The following MIS18BP1 variants were observed in gnomAD, a reference collection of about 807,000 sequenced individuals.
MIS18BP1 encodes mis18-binding protein 1.
Under a neutral mutation model 116.1 loss-of-function variants are expected in MIS18BP1, and 72 were observed. The ratio of observed to expected loss-of-function variants is 0.62; its 90% CI spans 0.51 to 0.75. The LOEUF (loss-of-function observed/expected upper bound fraction) is 0.75. Among genes scored for constraint, MIS18BP1 ranks in the 30% least tolerant of loss-of-function variants. MIS18BP1 has a pLI of 0.00. For missense variants in MIS18BP1, 1,363 were observed against 1,303.2 expected (o/e 1.05, Z -0.71); for synonymous variants, 386 against 427.0 (o/e 0.90, Z 1.18).
At position 45,231,332 on chromosome 14, in the gene MIS18BP1, C is replaced by T. The variant is rs1160332629; in HGVS notation, c.1437-34G>A. ...ACAATTATTTTATTTTTCCTTAATACTGATTCTCAAAAAAACAAAACAAAA... is the reference window on the plus strand; with the variant it reads ...ACAATTATTTTATTTTTCCTTAATATTGATTCTCAAAAAAACAAAACAAAA... On this transcript the variant is annotated intron_variant, in intron 7 of 16. Transcript: ENST00000310806. 3 of 1,508,848 alleles carry T rather than the reference C, an allele frequency of 2.0e-6. No homozygotes were observed. In the East Asian group the frequency reaches 6.9e-5, roughly 35 times the overall value. The allele number at this position is 1,508,848 out of a possible 1,614,324, so 93.5% of individuals were successfully genotyped here.
In MIS18BP1 at chr14:45,246,806, T is replaced by A. The variant is rs1395671908; in HGVS notation, c.481A>T (p.Thr161Ser). 2.1e-5 allele frequency: 33 copies of A among 1,592,434 alleles called. No homozygotes were observed. Among genetic ancestry groups the A allele is most frequent in the Non-Finnish European group, 2.6e-5 (31 of 1,174,680 alleles). Residue 161 changes from threonine (T) to serine (S), a missense_variant, in exon 2 of 17, where the codon ACC (threonine) becomes TCC (serine). Thr to Ser is a moderately conservative substitution (Grantham distance 58, BLOSUM62 1). Transcript: ENST00000310806. ...TTTTCCTTTTCTTCACATAGGTAGGTATGCTGCAATTTTTTTTTTTCAACT... is the reference window on the plus strand; with the variant it reads ...TTTTCCTTTTCTTCACATAGGTAGGAATGCTGCAATTTTTTTTTTTCAACT... ...NRVEKKKLQH[T>S]YLCEEKENNK... is the part of the protein sequence containing the mutation.
intron 2 of MIS18BP1, among the ~76,000 whole-genome samples, chr14:45,245,360 CTTTTT>C (rs766822622): frequency 3.7e-4 from 56 of 151,868 alleles, no homozygotes; most frequent in Non-Finnish European, 6.3e-4. Flanking sequence ...CTACTCTTTT[CTTTTT>C]TATTTCTTTT....
chr14:45,222,544 T>G (rs1000104929), intron 11 of MIS18BP1, among the ~76,000 whole-genome samples: 1 of 152,204 alleles, frequency 6.6e-6, no homozygotes, highest in African/African-American at 2.4e-5. Context: ...CTATCATTGT[T>G]GTTTCAATGT....
At position 45,253,173 on chromosome 14, in the gene MIS18BP1, T is replaced by G. The variant is rs950690067; in HGVS notation, c.-230A>C. 2.0e-5 allele frequency: 3 copies of G among 152,280 alleles called. No individual in the cohort carries two copies. The highest frequency in any genetic ancestry group is 7.2e-5 in the African/African-American group (3 of 41,466). 9.4% of individuals were successfully genotyped at this position (152,280 alleles called of 1,614,324 possible). On this transcript the variant is annotated 5_prime_UTR_variant, in exon 1 of 17. Coordinates refer to ENST00000310806, the MANE Select transcript of MIS18BP1 (RefSeq NM_018353.5). ...GCGGCGGCCAGGCGCCAAGCGACGCTTACCTCCTCCGCGACGTTCTCTAAC... is the reference window on the plus strand; with the variant it reads ...GCGGCGGCCAGGCGCCAAGCGACGCGTACCTCCTCCGCGACGTTCTCTAAC...
chr14:45,235,683 T>A, intron 6 of MIS18BP1, 131 bp downstream of exon 6: 1 of 645,392 alleles, frequency 1.5e-6, no homozygotes, highest in African/African-American at 1.9e-5. Context: ...TTTTATATAA[T>A]ATCAGTTGTT....
At chr14:45,231,376 T>C in intron 7 of MIS18BP1, 78 bp from the exon 8 acceptor site, 1 of 1,266,542 alleles carries the variant, frequency 7.9e-7, no homozygotes, top group Non-Finnish European at 1.1e-6. Context: ...CATAAATAAA[T>C]AAAAACCCCT....
Position 45,232,415 on chromosome 14 carries a change from T to TAAAAAAAA in MIS18BP1, c.1436+317_1436+318insTTTTTTTT, listed in dbSNP as rs1291844122. 4.9e-5 allele frequency: 8 copies of TAAAAAAAA among 163,504 alleles called. No individual in the cohort carries two copies. In the East Asian group the frequency reaches 8.6e-4, roughly 17 times the overall value. 10.1% of individuals were successfully genotyped at this position (163,504 alleles called of 1,614,324 possible). On this transcript the variant is annotated intron_variant, in intron 7 of 16. Transcript: ENST00000310806. ...CTGGGCGACAGAGCCAGATTCCATC[T>TAAAAAAAA]CAAAAAAAAAAAAAAAAAAAAAACA...
intron 3 of MIS18BP1, 38 bp from the exon 4 acceptor site, chr14:45,242,556 A>T: frequency 6.5e-7 from 1 of 1,540,292 alleles, no homozygotes; most frequent in South Asian, 1.3e-5. Flanking sequence ...CAAAACAATT[A>T]TAGAAGGATC....
In MIS18BP1 at chr14:45,232,685, T is replaced by C. The variant is rs1369415448; in HGVS notation, c.1436+48A>G. On this transcript the variant is annotated intron_variant, in intron 7 of 16. Transcript: ENST00000310806. ...TGGCACACACATAATTAAATGTAAATTATATCTCAATAAAGTTGACTTCTA... is the reference window on the plus strand; with the variant it reads ...TGGCACACACATAATTAAATGTAAACTATATCTCAATAAAGTTGACTTCTA... 3 of 1,045,708 alleles carry C rather than the reference T, an allele frequency of 2.9e-6. No homozygotes were observed. The East Asian group carries it at 7.9e-5, about 28-fold the overall frequency. 64.8% of individuals were successfully genotyped at this position (1,045,708 alleles called of 1,614,324 possible).
chr14:45,212,809 C>T (rs1385005061), intron 13 of MIS18BP1, among the ~76,000 whole-genome samples: 1 of 152,234 alleles, frequency 6.6e-6, no homozygotes. Flanking sequence ...GGCATGCAGA[C>T]AGCCCGCCCC....
In MIS18BP1 at chr14:45,224,390, T is replaced by C. The variant is rs557689278; in HGVS notation, c.2197A>G (p.Lys733Glu). 7 of 1,613,672 alleles carry C rather than the reference T, an allele frequency of 4.3e-6. No homozygotes were observed. The African/African-American group carries it at 8.0e-5, about 18-fold the overall frequency. The change falls in exon 11 of 17, where the codon AAG (lysine) becomes GAG (glutamate). Residue 733 changes from lysine (K) to glutamate (E), a missense_variant. Physicochemically the swap from Lys to Glu is moderately conservative, Grantham distance 56 (BLOSUM62 1). Transcript: ENST00000310806. ...AAGTCAGAGGTGAGCATTTGTTCCT[T>C]TTCAAGGTTAGATATTTTTATTTTC... is the stretch of plus-strand genomic sequence containing the variant. ...NRKIKISNLE[K>E]EQMLTSDFKK... is the part of the protein sequence containing the mutation.
In MIS18BP1 at chr14:45,243,797, T is replaced by C. The variant is rs955721782; in HGVS notation, c.545-923A>G. 4.6e-5 allele frequency among the ~76,000 whole-genome samples: 7 copies of C among 152,156 alleles called. No homozygotes were observed. The South Asian group carries it at 6.2e-4, about 14-fold the overall frequency. On this transcript the variant is annotated intron_variant, in intron 2 of 16. Coordinates refer to ENST00000310806, the MANE Select transcript of MIS18BP1 (RefSeq NM_018353.5). ...GCAATAAGTTATATTTATTCACTTA[T>C]GTGGGAGTCCCAGGTTCATGTAGAC...
intron 3 of MIS18BP1, 46 bp from the exon 4 acceptor site, chr14:45,242,564 A>C (rs374073538): frequency 7.2e-6 from 11 of 1,529,640 alleles, no homozygotes; most frequent in East Asian, 6.8e-5. Flanking sequence ...TTATAGAAGG[A>C]TCACAGGAAA....
chr14:45,241,026 G>T (rs377085026), intron 4 of MIS18BP1, among the ~76,000 whole-genome samples: 2 of 152,194 alleles, frequency 1.3e-5, no homozygotes, highest in South Asian at 2.1e-4. Flanking sequence ...AAATTTAGAT[G>T]GCTACAAGGG....
chr14:45,225,442 G>A (rs1184005633), intron 10 of MIS18BP1, among the ~76,000 whole-genome samples: 1 of 151,930 alleles, frequency 6.6e-6, no homozygotes, highest in Non-Finnish European at 1.5e-5. Flanking sequence ...TAGGCAATAA[G>A]TAAATACTTG....
chr14:45,249,154 C>T (rs1022224725), intron 1 of MIS18BP1, among the ~76,000 whole-genome samples: 11 of 151,868 alleles, frequency 7.2e-5, no homozygotes, highest in East Asian at 1.9e-4. Flanking sequence ...TGCAGTGATG[C>T]GATCTTGACT....
chr14:45,248,328 A>G (rs1891781410), intron 1 of MIS18BP1, among the ~76,000 whole-genome samples: 1 of 151,964 alleles, frequency 6.6e-6, no homozygotes, highest in African/African-American at 2.4e-5. Flanking sequence ...TGGCCTCCCA[A>G]AGTGCTGGGG....
At chr14:45,238,256 C>G (rs1010047552) in intron 4 of MIS18BP1, among the ~76,000 whole-genome samples, 1 of 151,560 alleles carries the variant, frequency 6.6e-6, no homozygotes, top group African/African-American at 2.4e-5. Context: ...TATTATCTTA[C>G]TACAAGTAAA....
intron 11 of MIS18BP1, among the ~76,000 whole-genome samples, chr14:45,219,791 T>G (rs901857163): frequency 6.6e-6 from 1 of 152,242 alleles, no homozygotes; most frequent in African/African-American, 2.4e-5. Flanking sequence ...GAACTCAAGC[T>G]TCTCTATTTG....
Sources: allele counts gnomAD v4.1 joint callset (sites outside exome capture counted in the v4.1 genomes callset), GRCh38; gene constraint gnomAD v4.1.1; transcripts MANE v1.5; gene names NCBI Gene and HGNC (gene_info 2026-07-23, HGNC 2026-07-21).